The following TACC2 variants were observed in gnomAD, a reference collection of about 807,000 sequenced individuals.
TACC2 encodes transforming acidic coiled-coil-containing protein 2.
Under a neutral mutation model 227.3 loss-of-function variants are expected in TACC2, and 137 were observed. The ratio of observed to expected loss-of-function variants is 0.60; its 90% CI spans 0.52 to 0.69. The LOEUF (loss-of-function observed/expected upper bound fraction) is 0.69. TACC2 is among the 30% of genes least tolerant of loss of function. TACC2 has a pLI of 0.00. For synonymous variants in TACC2, 1,523 were observed against 1,487.5 expected (o/e 1.02, Z -0.55); for missense variants, 3,470 against 3,694.4 (o/e 0.94, Z 1.57).
chr10:122,123,460 T>C (rs10887083), intron 5 of TACC2, among the ~76,000 whole-genome samples: 99,933 of 152,114 alleles, frequency 0.66, 37,080 homozygotes, highest in South Asian at 0.82. Context: ...CCGAGGGACC[T>C]GGGGAACCCA....
At chr10:122,219,193 C>T (rs896110727) in intron 11 of TACC2, among the ~76,000 whole-genome samples, 1 of 151,950 alleles carries the variant, frequency 6.6e-6, no homozygotes, top group Non-Finnish European at 1.5e-5. Context: ...GCTGTAGACC[C>T]CGCCTGCTGG....
At chr10:122,103,875 A>C (rs188295955) in intron 5 of TACC2, among the ~76,000 whole-genome samples, 16 of 152,334 alleles carry the variant, frequency 1.1e-4, no homozygotes, top group African/African-American at 3.4e-4. Flanking sequence ...CCTGGTGAGC[A>C]CTGCAGGAAG....
intron 3 of TACC2, among the ~76,000 whole-genome samples, chr10:122,079,658 C>G (rs2079222470): frequency 6.6e-6 from 1 of 152,118 alleles, no homozygotes; most frequent in African/African-American, 2.4e-5. Context: ...GACAGAGAGG[C>G]TGGAATGGGG....
intron 12 of TACC2, among the ~76,000 whole-genome samples, chr10:122,225,016 G>T (rs369476213): frequency 1.3e-5 from 2 of 150,738 alleles, no homozygotes; most frequent in Non-Finnish European, 2.9e-5. Context: ...ACAATTAGAC[G>T]TCCTGCAGAA....
At chr10:122,027,113 A>G (rs927088606) in intron 2 of TACC2, among the ~76,000 whole-genome samples, 1 of 152,178 alleles carries the variant, frequency 6.6e-6, no homozygotes, top group African/African-American at 2.4e-5. Context: ...TATCCTCCCC[A>G]GCATTTGGTG....
intron 7 of TACC2, among the ~76,000 whole-genome samples, chr10:122,157,158 G>A (rs1280855638): frequency 6.6e-6 from 1 of 152,174 alleles, no homozygotes; most frequent in Non-Finnish European, 1.5e-5. Context: ...AGGAGCATAC[G>A]AGGGAGGATC....
intron 7 of TACC2, among the ~76,000 whole-genome samples, chr10:122,167,835 C>T (rs1041951072): frequency 2.6e-5 from 4 of 152,168 alleles, no homozygotes; most frequent in Admixed American, 6.5e-5. Flanking sequence ...CAGAAACGGT[C>T]GCTGGGGCTC....
intron 2 of TACC2, among the ~76,000 whole-genome samples, chr10:122,024,498 TGCCCGTCACCA>T (rs1565096015): frequency 6.6e-6 from 1 of 152,162 alleles, no homozygotes; most frequent in Non-Finnish European, 1.5e-5. Flanking sequence ...TAACAGACCA[TGCCCGTCACCA>T]GGGGATTACT....
intron 11 of TACC2, among the ~76,000 whole-genome samples, chr10:122,219,018 CAAA>C (rs61446434): frequency 2.7e-5 from 2 of 74,678 alleles, no homozygotes; most frequent in Non-Finnish European, 2.6e-5. Flanking sequence ...AGACTCGTCT[CAAA>C]AAAAAAAAAA....
intron 7 of TACC2, among the ~76,000 whole-genome samples, chr10:122,179,530 A>G (rs2093886684): frequency 6.6e-6 from 1 of 152,150 alleles, no homozygotes; most frequent in Admixed American, 6.5e-5. Context: ...TTTAACCCCT[A>G]CTTTTATGTG....
intron 7 of TACC2, chr10:122,192,721 G>C (rs1410379209): frequency 2.2e-6 from 1 of 456,752 alleles, no homozygotes; most frequent in Non-Finnish European, 4.4e-6. Context: ...AGTGGAATGG[G>C]CCCGGTGGAT....
intron 5 of TACC2, among the ~76,000 whole-genome samples, chr10:122,098,376 G>A (rs758179221): frequency 1.3e-5 from 2 of 152,142 alleles, no homozygotes; most frequent in East Asian, 1.9e-4. Flanking sequence ...CACCTTAGGC[G>A]CTGCATACGT....
chr10:122,120,481 C>T (rs1036339361), intron 5 of TACC2, among the ~76,000 whole-genome samples: 6 of 152,178 alleles, frequency 3.9e-5, no homozygotes, highest in African/African-American at 1.4e-4. Flanking sequence ...GCTGGTTGCG[C>T]ACACCCTCTT....
intron 3 of TACC2, among the ~76,000 whole-genome samples, chr10:122,073,648 T>C (rs2078407631): frequency 6.6e-6 from 1 of 152,224 alleles, no homozygotes; most frequent in Non-Finnish European, 1.5e-5. Context: ...ACAGTGTATA[T>C]GTATCTTCTT....
chr10:122,134,840 G>A (rs1016527928), intron 6 of TACC2, among the ~76,000 whole-genome samples: 2 of 152,238 alleles, frequency 1.3e-5, no homozygotes, highest in African/African-American at 4.8e-5. Context: ...ATGGCTCTCA[G>A]AGAGCTGCAG....
chr10:122,248,609 G>C (rs573765663), intron 19 of TACC2, 34 bp from the exon 20 acceptor site: 4 of 1,611,602 alleles, frequency 2.5e-6, no homozygotes, highest in East Asian at 4.5e-5. Flanking sequence ...GACTTTCTGG[G>C]CTCCATCATT....
chr10:122,052,284 G>A (rs1056047970), intron 3 of TACC2: 28 of 152,136 alleles, frequency 1.8e-4, no homozygotes, highest in Admixed American at 1.7e-3. Context: ...GGAATTGCTC[G>A]AGGCCTGTGT....
intron 5 of TACC2, among the ~76,000 whole-genome samples, chr10:122,122,280 G>A (rs565993791): frequency 5.3e-5 from 8 of 152,208 alleles, no homozygotes; most frequent in East Asian, 1.9e-4. Flanking sequence ...GCGTGAACCC[G>A]GGAGGCGGAG....
At chr10:122,239,006 T>G (rs2095920832) in intron 18 of TACC2, among the ~76,000 whole-genome samples, 1 of 152,088 alleles carries the variant, frequency 6.6e-6, no homozygotes, top group South Asian at 2.1e-4. Context: ...TAGTTTTTTT[T>G]GTGTGTGTGT....
Sources: gnomAD v4.1 joint callset for allele counts (sites outside exome capture counted in the v4.1 genomes callset) on GRCh38, gnomAD v4.1.1 for gene constraint, MANE v1.5 for transcripts, NCBI Gene and HGNC (gene_info 2026-07-23, HGNC 2026-07-21) for gene names.